DSC3: variants seen among roughly 807,000 people sequenced by gnomAD.
The protein encoded by DSC3 is desmocollin-3.
In DSC3, 97 loss-of-function variants were observed where a neutral mutation model predicts 89.5. That is an observed-to-expected ratio of 1.08 (90% CI 0.92 to 1.28). The LOEUF (loss-of-function observed/expected upper bound fraction) is 1.28, where lower values mean the gene tolerates loss of function less well. DSC3 is among the 50% of genes most tolerant of loss of function. The pLI is 0.00. For missense variants in DSC3, 1,199 were observed against 1,085.3 expected (o/e 1.10, Z -1.47); for synonymous variants, 436 against 384.1 (o/e 1.14, Z -1.58).
At position 31,004,815 on chromosome 18, in the gene DSC3, G is replaced by A. The variant is rs971662181; in HGVS notation, c.1889-449C>T. Among the ~76,000 whole-genome samples, 15 of 152,134 alleles carry A rather than the reference G, an allele frequency of 9.9e-5. No individual in the cohort carries two copies. The East Asian group carries it at 1.3e-3, about 14-fold the overall frequency. On this transcript the variant is annotated intron_variant, in intron 12 of 15. Transcript: ENST00000360428. ...TTTCAAAGCACAATAGATTGTTTAC[G>A]ATTAACACCTTTGCATCTGGAAGTA... is the stretch of plus-strand genomic sequence containing the variant.
At position 31,029,498 on chromosome 18, in the gene DSC3, T is replaced by C. The variant is rs1273485023; in HGVS notation, c.474+11A>G. 1 of 1,613,668 alleles carries C rather than the reference T, an allele frequency of 6.2e-7. No individual in the cohort carries two copies. Among genetic ancestry groups the C allele is most frequent in the Non-Finnish European group, 8.5e-7 (1 of 1,179,596 alleles). Reference sequence around the variant, plus strand: ...TTAAAGCAACCCTGACCAGAAAAGGTGTAAACCTACTTGTTGAAGAAACAA... The same window carrying C: ...TTAAAGCAACCCTGACCAGAAAAGGCGTAAACCTACTTGTTGAAGAAACAA... On this transcript the variant is annotated intron_variant, in intron 4 of 15. Coordinates refer to ENST00000360428, the MANE Select transcript of DSC3 (RefSeq NM_001941.5).
chr18:31,032,149 TA>T (rs756446118), intron 2 of DSC3, 42 bp downstream of exon 2: 3 of 1,397,716 alleles, frequency 2.1e-6, no homozygotes, highest in Non-Finnish European at 3.1e-6. Context: ...CCAGCCTATG[TA>T]AACTAAATTT....
chr18:31,038,445 A>C (rs1007060042), intron 1 of DSC3, among the ~76,000 whole-genome samples: 1 of 152,158 alleles, frequency 6.6e-6, no homozygotes, highest in Non-Finnish European at 1.5e-5. Context: ...TTTTGTAAGA[A>C]GTTGTCTGTT....
rs1016755494 is a variant in DSC3 at position 31,007,996 on chromosome 18, G to C, written c.1663+20C>G. ...TCTCTAATTCCTTTATAGAATACCA[G>C]ATTAAAACTTTTTTTTTACCTTTGT... is the stretch of plus-strand genomic sequence containing the variant. On this transcript the variant is annotated intron_variant, in intron 11 of 15. Transcript: ENST00000360428. 1.2e-6 allele frequency: 2 copies of C among 1,601,316 alleles called. No individual in the cohort carries two copies. Among genetic ancestry groups the C allele is most frequent in the African/African-American group, 2.7e-5 (2 of 74,670 alleles).
chr18:31,022,658 A>G (rs1159503217), intron 6 of DSC3, among the ~76,000 whole-genome samples, 156 bp from the exon 7 acceptor site: 1 of 152,200 alleles, frequency 6.6e-6, no homozygotes, highest in East Asian at 1.9e-4. Context: ...ATAGGACTGA[A>G]GAGGATAACT....
In DSC3 at chr18:31,004,287, G is replaced by A. The variant is rs141990544; in HGVS notation, c.1968C>T (p.Ala656=). The A allele has an allele frequency of 4.2e-5, 68 of 1,613,774 alleles. No homozygotes were observed. The highest frequency in any genetic ancestry group is 3.5e-4 in the South Asian group (32 of 91,074). Residue 656 remains alanine, a synonymous_variant, in exon 13 of 16, where the codon GCC becomes GCT. Coordinates refer to ENST00000360428, the MANE Select transcript of DSC3 (RefSeq NM_001941.5). ...TCAATAATTTTGTTGCAGCTTGGCC[G>A]GCCCTGTCTTTTACAGTAATAGGAA... ...YTIPITVKDR[A]GQAATKLLRV... is the part of the protein sequence containing the mutation.
intron 12 of DSC3, 79 bp downstream of exon 12, chr18:31,006,828 G>GT: frequency 8.7e-7 from 1 of 1,148,572 alleles, no homozygotes; most frequent in Non-Finnish European, 1.3e-6. Flanking sequence ...TTCATGCTTT[G>GT]TGTAAGTAAG....
At chr18:30,996,108 G>C (rs959418222) in intron 15 of DSC3, among the ~76,000 whole-genome samples, 2 of 149,324 alleles carry the variant, frequency 1.3e-5, no homozygotes, top group Non-Finnish European at 3.0e-5. Context: ...TAAAATAAAA[G>C]CACTTTACAT....
intron 13 of DSC3, among the ~76,000 whole-genome samples, chr18:31,002,737 A>T (rs184856641): frequency 2.6e-5 from 4 of 152,188 alleles, no homozygotes; most frequent in Admixed American, 6.5e-5. Flanking sequence ...AAAAAAAAGA[A>T]AATTACATGA....
chr18:30,997,418 G>A (rs1289822850), intron 14 of DSC3, among the ~76,000 whole-genome samples: 1 of 152,076 alleles, frequency 6.6e-6, no homozygotes, highest in Non-Finnish European at 1.5e-5. Flanking sequence ...GCAACAGGGG[G>A]CTGAACTTGC....
chr18:31,011,386 G>A (rs1985050324), intron 9 of DSC3, among the ~76,000 whole-genome samples: 1 of 152,162 alleles, frequency 6.6e-6, no homozygotes, highest in African/African-American at 2.4e-5. Flanking sequence ...ATGTTTGCAA[G>A]CTTTATTCAG....
At chr18:30,994,426 T>C (rs749978208) in intron 15 of DSC3, 54 bp from the exon 16 acceptor site, 1 of 1,590,290 alleles carries the variant, frequency 6.3e-7, no homozygotes, top group South Asian at 1.1e-5. Flanking sequence ...AACTTAAATA[T>C]ATGAACATAA....
chr18:31,001,620 C>G lies in DSC3; in HGVS notation c.2233G>C (p.Val745Leu), dbSNP rs370084859. Residue 745 changes from valine (V) to leucine (L), a missense_variant and splice_region_variant, in exon 14 of 16, where the codon GTG (valine) becomes CTG (leucine). Transcript: ENST00000360428. Reference sequence around the variant, plus strand: ...ATATTTATTTAAAAATTACTTACCACTCTATCGTCTCCAGGTGCTTCTGTG... The same window carrying G: ...ATATTTATTTAAAAATTACTTACCAGTCTATCGTCTCCAGGTGCTTCTGTG... ...SNTEAPGDDRVCSANGFMTQT... is the reference protein window; with the variant it reads ...SNTEAPGDDRLCSANGFMTQT... 4.3e-5 allele frequency: 70 copies of G among 1,609,396 alleles called. No individual in the cohort carries two copies. The highest frequency in any genetic ancestry group is 5.6e-5 in the Non-Finnish European group (66 of 1,177,148).
intron 1 of DSC3, among the ~76,000 whole-genome samples, chr18:31,037,428 C>T (rs1290969509): frequency 2.0e-5 from 3 of 152,140 alleles, no homozygotes; most frequent in African/African-American, 7.2e-5. Context: ...ATCTGATATG[C>T]TTGTTAGGAC....
intron 15 of DSC3, among the ~76,000 whole-genome samples, chr18:30,996,331 A>C (rs1424044619): frequency 6.6e-6 from 1 of 152,172 alleles, no homozygotes; most frequent in Non-Finnish European, 1.5e-5. Flanking sequence ...CCATAAACAT[A>C]TACAATTAAA....
intron 15 of DSC3, among the ~76,000 whole-genome samples, chr18:30,996,121 G>A (rs558988682): frequency 6.3e-4 from 94 of 150,380 alleles, no homozygotes; most frequent in African/African-American, 2.2e-3. Context: ...CTTTACATTC[G>A]CATGGTGCTT....
At chr18:30,996,768 T>G in intron 15 of DSC3, 23 bp downstream of exon 15, 1 of 1,611,646 alleles carries the variant, frequency 6.2e-7, no homozygotes, top group Non-Finnish European at 8.5e-7. Context: ...AATTTTAGAC[T>G]CAAAACACCT....
intron 11 of DSC3, among the ~76,000 whole-genome samples, chr18:31,007,564 T>A (rs891533663): frequency 1.3e-5 from 2 of 152,170 alleles, no homozygotes; most frequent in African/African-American, 4.8e-5. Flanking sequence ...TCTAACAAAG[T>A]ATCTACAGAT....
rs968061322 is a variant in DSC3, at chr18:31,032,224, G to C, written c.122C>G (p.Ser41Cys). ...ACKKVILNVPSKLEADKIIGR... is the reference protein window; with the variant it reads ...ACKKVILNVPCKLEADKIIGR... ...AATTATTTTGTCTGCCTCTAGTTTAGAAGGTACATTAAGTATCACCTTTTT... is the reference window on the plus strand; with the variant it reads ...AATTATTTTGTCTGCCTCTAGTTTACAAGGTACATTAAGTATCACCTTTTT... The change falls in exon 2 of 16, where the codon TCT becomes TGT. Residue 41 changes from serine (S) to cysteine (C), a missense_variant. Transcript: ENST00000360428. The C allele has an allele frequency of 1.2e-6, 2 of 1,613,528 alleles. No individual in the cohort carries two copies.
Sources: allele counts gnomAD v4.1 joint callset (sites outside exome capture counted in the v4.1 genomes callset), GRCh38; gene constraint gnomAD v4.1.1; transcripts MANE v1.5; gene names NCBI Gene and HGNC (gene_info 2026-07-23, HGNC 2026-07-21).